The following GRIP1 variants were observed in gnomAD, a reference collection of about 807,000 sequenced individuals.
GRIP1 encodes the protein glutamate receptor interacting protein 1, also known as glutamate receptor-interacting protein 1.
In GRIP1, 45 loss-of-function variants were observed where a neutral mutation model predicts 129.9. That is an observed-to-expected ratio of 0.35 (90% CI 0.27 to 0.44). The LOEUF (loss-of-function observed/expected upper bound fraction) is 0.44. Among genes scored for constraint, GRIP1 ranks in the 20% least tolerant of loss-of-function variants. GRIP1 has a pLI of 1.00. For synonymous variants in GRIP1, 530 were observed against 520.8 expected (o/e 1.02, Z -0.24); for missense variants, 1,196 against 1,396.8 (o/e 0.86, Z 2.29).
intron 1 of GRIP1, among the ~76,000 whole-genome samples, chr12:66,799,857 C>T (rs1369603855): frequency 6.6e-6 from 1 of 152,112 alleles, no homozygotes; most frequent in African/African-American, 2.4e-5. Flanking sequence ...ACACCACAGC[C>T]TAAAAATTAT....
intron 1 of GRIP1, among the ~76,000 whole-genome samples, chr12:66,719,879 C>T (rs988160320): frequency 1.3e-5 from 2 of 152,130 alleles, no homozygotes; most frequent in Non-Finnish European, 2.9e-5. Flanking sequence ...TAAGTTGGTA[C>T]ATTTTCTCAA....
intron 1 of GRIP1, among the ~76,000 whole-genome samples, chr12:66,947,458 G>T (rs1206172439): frequency 6.6e-6 from 1 of 152,192 alleles, no homozygotes; most frequent in Non-Finnish European, 1.5e-5. Flanking sequence ...TAATCACTGT[G>T]ATTGTTGCTG....
intron 1 of GRIP1, among the ~76,000 whole-genome samples, chr12:66,961,712 A>G (rs550652401): frequency 3.5e-4 from 53 of 152,160 alleles, no homozygotes; most frequent in African/African-American, 1.2e-3. Flanking sequence ...GAATACTTAC[A>G]TAGGCATTTG....
At chr12:66,578,933 C>G (rs1487696617) in intron 2 of GRIP1, among the ~76,000 whole-genome samples, 1 of 152,208 alleles carries the variant, frequency 6.6e-6, no homozygotes, top group African/African-American at 2.4e-5. Context: ...AGCTGGAGAT[C>G]TGAGAACGGG....
intron 1 of GRIP1, among the ~76,000 whole-genome samples, chr12:66,784,187 A>G (rs1198339215): frequency 6.6e-6 from 1 of 152,094 alleles, no homozygotes; most frequent in Admixed American, 6.6e-5. Flanking sequence ...ATTGAGCATA[A>G]ATGATCACTT....
upstream of GRIP1, among the ~76,000 whole-genome samples, chr12:66,682,772 C>A (rs1038947215): frequency 1.3e-5 from 2 of 152,022 alleles, no homozygotes; most frequent in Admixed American, 6.6e-5. Flanking sequence ...TTGCAAAAAA[C>A]CAAAACAATG....
At chr12:66,646,722 C>G (rs1443488404) in intron 1 of GRIP1, among the ~76,000 whole-genome samples, 1 of 152,164 alleles carries the variant, frequency 6.6e-6, no homozygotes, top group African/African-American at 2.4e-5. Flanking sequence ...CCTGTCCCCA[C>G]CCCATTGATG....
chr12:66,730,583 A>G (rs2036400932), intron 1 of GRIP1, among the ~76,000 whole-genome samples: 1 of 152,164 alleles, frequency 6.6e-6, no homozygotes, highest in Admixed American at 6.5e-5. Flanking sequence ...CCTTTTCTTA[A>G]AGGTAAGTTA....
chr12:66,397,657 AT>A lies in GRIP1; in HGVS notation c.1985-3306del, dbSNP rs745401141. The stretch of plus-strand genomic sequence containing the variant: ...GATTAAAAATATTGCTAATGATGAT[AT>A]TTAGTTATGTGTTTTGAAAGAGTAT... On this transcript the variant is annotated intron_variant, in intron 16 of 24. Transcript: ENST00000359742. 4.4e-3 allele frequency among the ~76,000 whole-genome samples: 670 copies of A among 152,272 alleles called. 13 individuals carry two copies. The highest frequency in any genetic ancestry group is 1.5e-3 in the Non-Finnish European group (102 of 68,032).
chr12:66,867,910 G>A (rs1474042489), intron 1 of GRIP1, among the ~76,000 whole-genome samples: 2 of 152,090 alleles, frequency 1.3e-5, no homozygotes, highest in Non-Finnish European at 2.9e-5. Context: ...AGAAAGACGT[G>A]CAGAAAAGTA....
chr12:66,798,766 C>T (rs1009890210), intron 1 of GRIP1, among the ~76,000 whole-genome samples: 1 of 152,006 alleles, frequency 6.6e-6, no homozygotes, highest in African/African-American at 2.4e-5. Flanking sequence ...GTTTTTGAGC[C>T]ACCGACAATC....
At chr12:67,066,406 G>C (rs1448946338) in intron 1 of GRIP1, among the ~76,000 whole-genome samples, 1 of 152,096 alleles carries the variant, frequency 6.6e-6, no homozygotes, top group African/African-American at 2.4e-5. Context: ...TACATCTCAA[G>C]AAGAGATTTT....
chr12:67,005,245 T>C (rs2042609883), intron 1 of GRIP1, among the ~76,000 whole-genome samples: 1 of 152,166 alleles, frequency 6.6e-6, no homozygotes, highest in Non-Finnish European at 1.5e-5. Context: ...AAACTAGTTT[T>C]CCATCCCTTC....
intron 23 of GRIP1, among the ~76,000 whole-genome samples, chr12:66,355,471 A>T (rs2137103128): frequency 6.6e-6 from 1 of 152,250 alleles, no homozygotes; most frequent in African/African-American, 2.4e-5. Flanking sequence ...TTATACAGGG[A>T]TAGAGTAGTA....
chr12:66,531,890 T>C (rs1022553355), intron 4 of GRIP1, among the ~76,000 whole-genome samples: 3 of 152,128 alleles, frequency 2.0e-5, no homozygotes, highest in Non-Finnish European at 2.9e-5. Context: ...TCTGCAAAAA[T>C]GGTTTACACA....
intron 2 of GRIP1, among the ~76,000 whole-genome samples, chr12:66,552,788 C>T (rs1399773984): frequency 6.6e-6 from 1 of 152,170 alleles, no homozygotes; most frequent in African/African-American, 2.4e-5. Context: ...ATTTGATTGT[C>T]CCTTGTTTGA....
intron 23 of GRIP1, among the ~76,000 whole-genome samples, chr12:66,354,663 T>G (rs2054394143): frequency 6.6e-6 from 1 of 152,186 alleles, no homozygotes; most frequent in Non-Finnish European, 1.5e-5. Context: ...AACTAATGCA[T>G]GAATACATTC....
At chr12:66,938,357 G>A (rs1251500472) in intron 1 of GRIP1, among the ~76,000 whole-genome samples, 1 of 152,128 alleles carries the variant, frequency 6.6e-6, no homozygotes, top group East Asian at 1.9e-4. Flanking sequence ...CCTGGTGACA[G>A]AACGAGACTC....
intron 23 of GRIP1, among the ~76,000 whole-genome samples, chr12:66,366,650 A>G (rs537192512): frequency 6.6e-6 from 1 of 152,340 alleles, no homozygotes; most frequent in East Asian, 1.9e-4. Context: ...CATGAATGAC[A>G]AAGCAAAAGG....
Sources: gnomAD v4.1 joint callset for allele counts (sites outside exome capture counted in the v4.1 genomes callset) on GRCh38, gnomAD v4.1.1 for gene constraint, MANE v1.5 for transcripts, NCBI Gene and HGNC (gene_info 2026-07-23, HGNC 2026-07-21) for gene names.